Variants in TNKS observed in about 807,000 individuals in gnomAD.
The protein encoded by TNKS is tankyrase, also known as poly [ADP-ribose] polymerase tankyrase-1.
In TNKS, 72 loss-of-function variants were observed where a neutral mutation model predicts 135.8. The observed-to-expected ratio is 0.53, with a 90% CI of 0.44 to 0.64. The LOEUF (loss-of-function observed/expected upper bound fraction) is 0.64. TNKS is among the 30% of genes least tolerant of loss of function. The probability of loss-of-function intolerance (pLI) is 0.00; values close to 1 mark genes in which losing one functional copy is unlikely to be tolerated. For synonymous variants in TNKS, 849 were observed against 649.3 expected (o/e 1.31, Z -4.68); for missense variants, 1,769 against 1,674.0 (o/e 1.06, Z -0.99).
intron 3 of TNKS, among the ~76,000 whole-genome samples, chr8:9,646,992 C>A (rs570128909): frequency 3.9e-5 from 6 of 152,192 alleles, no homozygotes; most frequent in Admixed American, 3.3e-4. Context: ...GGTAGCAGAG[C>A]AAAGATGGCT....
chr8:9,556,170 G>A lies in TNKS; in HGVS notation c.231G>A (p.Arg77=), dbSNP rs202025565. The change falls in exon 1 of 27, where the codon AGG becomes AGA. Residue 77 remains arginine (R), a synonymous_variant. Transcript: ENST00000310430. ...EGDGSRDPPD[R]PRSPDPVDGT... is the part of the protein sequence containing the mutation. ...ATGGCAGTCGGGATCCGCCCGACAG[G>A]CCCCGATCCCCGGACCCGGTTGACG... The A allele has an allele frequency of 4.2e-5, 67 of 1,612,024 alleles. No homozygotes were observed. The highest frequency in any genetic ancestry group is 1.7e-4 in the Middle Eastern group (1 of 6,048).
intron 14 of TNKS, among the ~76,000 whole-genome samples, chr8:9,731,675 C>T (rs1221293918): frequency 6.6e-6 from 1 of 152,090 alleles, no homozygotes; most frequent in Non-Finnish European, 1.5e-5. Context: ...GTCTGCTTTG[C>T]AGTTTACTTT....
intron 8 of TNKS, among the ~76,000 whole-genome samples, 154 bp from the exon 9 acceptor site, chr8:9,708,217 C>G (rs1804143056): frequency 6.6e-6 from 1 of 152,146 alleles, no homozygotes; most frequent in Non-Finnish European, 1.5e-5. Flanking sequence ...ACATCCTCAT[C>G]TTTTGCATTT....
At chr8:9,678,222 A>G (rs1044018812) in intron 3 of TNKS, among the ~76,000 whole-genome samples, 1 of 152,164 alleles carries the variant, frequency 6.6e-6, no homozygotes, top group Non-Finnish European at 1.5e-5. Flanking sequence ...AATTTGATTT[A>G]CTTTGATCCT....
At chr8:9,748,902 A>G (rs1432260021) in intron 18 of TNKS, among the ~76,000 whole-genome samples, 1 of 152,200 alleles carries the variant, frequency 6.6e-6, no homozygotes, top group Non-Finnish European at 1.5e-5. Flanking sequence ...GCAGAAACAT[A>G]AAGACGGCTT....
At chr8:9,687,929 C>G (rs764617814) in intron 5 of TNKS, among the ~76,000 whole-genome samples, 1 of 152,062 alleles carries the variant, frequency 6.6e-6, no homozygotes, top group Non-Finnish European at 1.5e-5. Context: ...ACAAGTAAAC[C>G]GAACTTTACA....
intron 26 of TNKS, among the ~76,000 whole-genome samples, chr8:9,772,837 G>C (rs1048309197): frequency 1.7e-4 from 23 of 132,646 alleles, no homozygotes; most frequent in African/African-American, 6.4e-4. Context: ...GTGTCTGTGT[G>C]TGTGTGTGTG....
chr8:9,730,572 GACTT>G (rs1364952403), intron 13 of TNKS, among the ~76,000 whole-genome samples: 1 of 152,142 alleles, frequency 6.6e-6, no homozygotes. Flanking sequence ...AGGGAGGAAA[GACTT>G]ACAAAGATAA....
chr8:9,707,125 T>C (rs1296354560), intron 8 of TNKS, 128 bp downstream of exon 8: 3 of 793,118 alleles, frequency 3.8e-6, no homozygotes, highest in Non-Finnish European at 5.6e-6. Flanking sequence ...TCATTTCTAA[T>C]TGTATACTTT....
chr8:9,764,878 A>T (rs891776944), intron 23 of TNKS, 88 bp downstream of exon 23: 1 of 1,043,078 alleles, frequency 9.6e-7, no homozygotes, highest in African/African-American at 1.7e-5. Flanking sequence ...TTATTAAGTC[A>T]TATTTTCAAA....
At chr8:9,562,404 G>T (rs1457589930) in intron 1 of TNKS, among the ~76,000 whole-genome samples, 2 of 151,578 alleles carry the variant, frequency 1.3e-5, no homozygotes, top group Non-Finnish European at 2.9e-5. Flanking sequence ...CTTTTATCTG[G>T]CCCCAAGTCA....
At chr8:9,761,664 T>G (rs1003564447) in intron 21 of TNKS, 28 bp downstream of exon 21, 9 of 1,572,850 alleles carry the variant, frequency 5.7e-6, no homozygotes, top group Non-Finnish European at 7.7e-6. Flanking sequence ...AAAAAAAAAT[T>G]TCAGAAATCA....
intron 3 of TNKS, among the ~76,000 whole-genome samples, chr8:9,674,241 T>A (rs537590501): frequency 4.2e-4 from 64 of 152,308 alleles, no homozygotes; most frequent in African/African-American, 1.4e-3. Flanking sequence ...ATTTTCCAGA[T>A]GACAGTAAAA....
chr8:9,578,768 A>G (rs1374501610), intron 1 of TNKS, among the ~76,000 whole-genome samples: 2 of 152,188 alleles, frequency 1.3e-5, no homozygotes, highest in South Asian at 2.1e-4. Flanking sequence ...GTATTACACA[A>G]TAATAGTAGA....
At chr8:9,606,484 T>A (rs186099868) in intron 2 of TNKS, among the ~76,000 whole-genome samples, 31 of 152,270 alleles carry the variant, frequency 2.0e-4, no homozygotes, top group African/African-American at 7.5e-4. Flanking sequence ...ATGATAAATC[T>A]TGAAATTAGG....
At chr8:9,603,645 G>C (rs752680335) in intron 2 of TNKS, among the ~76,000 whole-genome samples, 1 of 152,138 alleles carries the variant, frequency 6.6e-6, no homozygotes, top group Non-Finnish European at 1.5e-5. Flanking sequence ...GGCACAATAG[G>C]CTGTACATGA....
In TNKS at chr8:9,628,334, T is replaced by C. The variant is rs151321210; in HGVS notation, c.994+12657T>C. Among the ~76,000 whole-genome samples the C allele has an allele frequency of 9.3e-3, 1,411 of 152,316 alleles. 16 individuals carry two copies. The highest frequency in any genetic ancestry group is 0.033 in the African/African-American group (1,362 of 41,558). On this transcript the variant is annotated intron_variant, in intron 3 of 26. Coordinates refer to ENST00000310430, the MANE Select transcript of TNKS (RefSeq NM_003747.3). ...CTGTTTTCATCCCTAACGACTGTAC[T>C]AAAATGCCTTTTTGCTGTTGTTATT... is the stretch of plus-strand genomic sequence containing the variant.
intron 15 of TNKS, 98 bp downstream of exon 15, chr8:9,733,542 T>A: frequency 1.0e-6 from 1 of 998,252 alleles, no homozygotes; most frequent in African/African-American, 1.6e-5. Flanking sequence ...TTAAGAACAA[T>A]ACTGCTGTAG....
At chr8:9,668,874 A>T (rs1048138320) in intron 3 of TNKS, among the ~76,000 whole-genome samples, 1 of 152,198 alleles carries the variant, frequency 6.6e-6, no homozygotes, top group African/African-American at 2.4e-5. Flanking sequence ...CTATATTTTT[A>T]AAGGATTTTG....
Sources: gnomAD v4.1 joint callset for allele counts (sites outside exome capture counted in the v4.1 genomes callset) on GRCh38, gnomAD v4.1.1 for gene constraint, MANE v1.5 for transcripts, NCBI Gene and HGNC (gene_info 2026-07-23, HGNC 2026-07-21) for gene names.